The following LTBP1 variants were observed in gnomAD, a reference collection of about 807,000 sequenced individuals.
LTBP1 encodes latent-transforming growth factor beta-binding protein 1.
LTBP1 carries 129 observed loss-of-function variants against 207.6 expected under a neutral mutation model. The ratio of observed to expected loss-of-function variants is 0.62; its 90% CI spans 0.54 to 0.72. The LOEUF (loss-of-function observed/expected upper bound fraction) is 0.72, where lower values mean the gene tolerates loss of function less well. Ranked by LOEUF, LTBP1 falls within the 30% of genes least tolerant of loss-of-function variation. The probability of loss-of-function intolerance (pLI) is 0.00; values close to 1 mark genes in which losing one functional copy is unlikely to be tolerated. For missense variants in LTBP1, 2,281 were observed against 2,217.2 expected (o/e 1.03, Z -0.58); for synonymous variants, 963 against 833.7 (o/e 1.16, Z -2.67).
chr2:33,328,579 C>G, intron 24 of LTBP1, among the ~76,000 whole-genome samples: 1 of 152,150 alleles, frequency 6.6e-6, no homozygotes, highest in East Asian at 1.9e-4. Flanking sequence ...ATGCCAGACA[C>G]TTAAAAAATC....
intron 3 of LTBP1, among the ~76,000 whole-genome samples, chr2:33,107,524 C>T (rs911909048): frequency 6.6e-6 from 1 of 152,026 alleles, no homozygotes; most frequent in Non-Finnish European, 1.5e-5. Flanking sequence ...CAAATGTTAA[C>T]TCTTTATAGG....
At chr2:33,386,316 G>A (rs535178009) in intron 31 of LTBP1, among the ~76,000 whole-genome samples, 2 of 152,170 alleles carry the variant, frequency 1.3e-5, no homozygotes, top group Non-Finnish European at 2.9e-5. Context: ...TTCCTCTGGC[G>A]TTGCTGTAGA....
chr2:33,047,960 A>C (rs1198180941), intron 3 of LTBP1, among the ~76,000 whole-genome samples: 1 of 149,682 alleles, frequency 6.7e-6, no homozygotes, highest in Non-Finnish European at 1.5e-5. Flanking sequence ...TTTGTTTTCT[A>C]TTTGCTTGGT....
chr2:33,035,146 T>C (rs549035005), intron 3 of LTBP1, among the ~76,000 whole-genome samples: 7 of 152,224 alleles, frequency 4.6e-5, no homozygotes, highest in Non-Finnish European at 8.8e-5. Flanking sequence ...TATTCTCTTG[T>C]GATTTTAGCA....
At chr2:33,107,597 C>G (rs891585251) in intron 3 of LTBP1, among the ~76,000 whole-genome samples, 2 of 152,030 alleles carry the variant, frequency 1.3e-5, no homozygotes, top group African/African-American at 4.8e-5. Context: ...TGGAGGGGCA[C>G]TTTGGGCATT....
chr2:33,158,653 A>G lies in LTBP1; in HGVS notation c.1201+23693A>G, dbSNP rs550937117. Reference sequence around the variant, plus strand: ...TGACATTGTGGTTGTCGAAGGAGGCACCTTCTAGCCAGAAAATGGAAGATT... The same window carrying G: ...TGACATTGTGGTTGTCGAAGGAGGCGCCTTCTAGCCAGAAAATGGAAGATT... On this transcript the variant is annotated intron_variant, in intron 5 of 33. Transcript: ENST00000404816. Among the ~76,000 whole-genome samples the G allele has an allele frequency of 3.0e-3, 461 of 152,320 alleles. 2 individuals carry two copies. The highest frequency in any genetic ancestry group is 0.011 in the African/African-American group (441 of 41,568).
At chr2:33,193,188 A>G (rs1245405677) in intron 7 of LTBP1, among the ~76,000 whole-genome samples, 2 of 152,136 alleles carry the variant, frequency 1.3e-5, no homozygotes, top group Non-Finnish European at 2.9e-5. Context: ...CTGTGGCCCA[A>G]GCTGGAGTGC....
chr2:33,309,178 G>A (rs1162250129), intron 22 of LTBP1, among the ~76,000 whole-genome samples: 1 of 151,688 alleles, frequency 6.6e-6, no homozygotes, highest in Non-Finnish European at 1.5e-5. Context: ...AACTACTCGG[G>A]AGGCTGAGGC....
rs939659604 is a variant in LTBP1, at chr2:33,049,650, C to G, written c.863+28444C>G. 4.6e-5 allele frequency among the ~76,000 whole-genome samples: 7 copies of G among 152,242 alleles called. No individual in the cohort carries two copies. The East Asian group carries it at 1.4e-3, about 29-fold the overall frequency. On this transcript the variant is annotated intron_variant, in intron 3 of 33. Coordinates refer to ENST00000404816, the MANE Select transcript of LTBP1 (RefSeq NM_206943.4). ...ATTTAAATTTCATTTTTATCTCAGC[C>G]TTCCAAATTTCTATTTTTGAGTATG...
intron 3 of LTBP1, among the ~76,000 whole-genome samples, chr2:33,104,426 A>G (rs1410190400): frequency 6.6e-6 from 1 of 152,122 alleles, no homozygotes; most frequent in African/African-American, 2.4e-5. Flanking sequence ...ACACCACGCT[A>G]TTGATTTCTC....
At chr2:33,334,026 A>G (rs1431229408) in intron 24 of LTBP1, among the ~76,000 whole-genome samples, 1 of 152,236 alleles carries the variant, frequency 6.6e-6, no homozygotes, top group African/African-American at 2.4e-5. Context: ...AGAGTGGTCA[A>G]CCGCATTGAA....
chr2:32,961,331 G>C (rs753249177), intron 2 of LTBP1, among the ~76,000 whole-genome samples: 36 of 152,206 alleles, frequency 2.4e-4, no homozygotes, highest in Admixed American at 1.5e-3. Context: ...ATGAAAGTGT[G>C]AGGGTGAAGA....
intron 2 of LTBP1, among the ~76,000 whole-genome samples, chr2:33,002,753 C>T (rs918999715): frequency 1.1e-4 from 17 of 152,056 alleles, no homozygotes; most frequent in African/African-American, 3.9e-4. Context: ...TCTTGGCTCA[C>T]TGCAACCTCT....
intron 5 of LTBP1, among the ~76,000 whole-genome samples, chr2:33,161,363 G>A (rs1035246392): frequency 6.6e-6 from 1 of 151,398 alleles, no homozygotes; most frequent in African/African-American, 2.4e-5. Flanking sequence ...CACCTCCCAG[G>A]TTCAAGCAGT....
At chr2:33,172,747 G>C (rs563509590) in intron 5 of LTBP1, among the ~76,000 whole-genome samples, 39 of 152,206 alleles carry the variant, frequency 2.6e-4, no homozygotes, top group African/African-American at 4.6e-4. Flanking sequence ...TGACCACATA[G>C]TTGGAAGTAA....
At chr2:33,175,887 C>T (rs1314740539) in intron 5 of LTBP1, among the ~76,000 whole-genome samples, 1 of 133,656 alleles carries the variant, frequency 7.5e-6, no homozygotes, top group African/African-American at 2.8e-5. Flanking sequence ...TCATCATTCT[C>T]AGTAAACGAT....
rs549375815 is a variant in LTBP1, at chr2:33,012,406, G to A, written c.566-8503G>A. The stretch of plus-strand genomic sequence containing the variant: ...CATTTTTTGATTTTCTCTCAGGCTC[G>A]GTAGTAGCTCCTCAAGGAAACAAAC... On this transcript the variant is annotated intron_variant, in intron 2 of 33. Coordinates refer to ENST00000404816, the MANE Select transcript of LTBP1 (RefSeq NM_206943.4). 3.9e-5 allele frequency among the ~76,000 whole-genome samples: 6 copies of A among 152,284 alleles called. No homozygotes were observed. The East Asian group carries it at 7.7e-4, about 20-fold the overall frequency.
chr2:33,259,599 C>G lies in LTBP1; in HGVS notation c.2407C>G (p.Pro803Ala), dbSNP rs61754245. ...TTTTCTGGTTTTAGTGGCAACTGCA[C>G]CCCCTGAAAAGGTAATTTATTCATT... ...GVAEPEVATA[P>A]PEKEIPSLDQ... The change falls in exon 13 of 34, where the codon CCC (proline) becomes GCC (alanine). Residue 803 changes from proline to alanine, a missense_variant. Pro to Ala is a conservative substitution (Grantham distance 27). Coordinates refer to ENST00000404816, the MANE Select transcript of LTBP1 (RefSeq NM_206943.4). The G allele has an allele frequency of 0.02, 31,867 of 1,601,470 alleles. 389 individuals carry two copies. The highest frequency in any genetic ancestry group is 0.039 in the East Asian group (1,721 of 44,650).
intron 3 of LTBP1, among the ~76,000 whole-genome samples, chr2:33,108,133 A>G (rs1016125063): frequency 7.2e-5 from 11 of 152,130 alleles, no homozygotes; most frequent in African/African-American, 2.2e-4. Flanking sequence ...TAGGATAGTG[A>G]TTTCATATAA....
Sources: gnomAD v4.1 joint callset for allele counts (sites outside exome capture counted in the v4.1 genomes callset) on GRCh38, gnomAD v4.1.1 for gene constraint, MANE v1.5 for transcripts, NCBI Gene and HGNC (gene_info 2026-07-23, HGNC 2026-07-21) for gene names.